Variants in SIPA1L3 observed in about 807,000 individuals in gnomAD.
The protein encoded by SIPA1L3 is signal induced proliferation associated 1 like 3, also known as signal-induced proliferation-associated 1-like protein 3.
In SIPA1L3, 59 loss-of-function variants were observed where a neutral mutation model predicts 150.1. That is an observed-to-expected ratio of 0.39 (90% CI 0.32 to 0.49). SIPA1L3 has a LOEUF of 0.49. Among genes scored for constraint, SIPA1L3 ranks in the 20% least tolerant of loss-of-function variants. SIPA1L3 has a pLI of 0.86. For synonymous variants in SIPA1L3, 1,070 were observed against 1,077.6 expected (o/e 0.99, Z 0.14); for missense variants, 2,211 against 2,489.5 (o/e 0.89, Z 2.38).
chr19:38,094,955 T>C (rs1970344565), intron 4 of SIPA1L3, among the ~76,000 whole-genome samples: 1 of 152,018 alleles, frequency 6.6e-6, no homozygotes. Context: ...TAATCCCAGC[T>C]ACCTGTAATC....
intron 1 of SIPA1L3, among the ~76,000 whole-genome samples, chr19:37,952,115 A>G (rs999295915): frequency 2.0e-5 from 3 of 152,110 alleles, no homozygotes; most frequent in African/African-American, 7.2e-5. Context: ...CTTTCTTCCT[A>G]TGGAGGTGCC....
intron 3 of SIPA1L3, among the ~76,000 whole-genome samples, chr19:38,087,542 C>A (rs968556955): frequency 6.6e-6 from 1 of 152,104 alleles, no homozygotes; most frequent in East Asian, 1.9e-4. Context: ...CAAGACAGAC[C>A]GCTGGCGGAT....
rs781057035 is a variant in SIPA1L3 at position 38,110,234 on chromosome 19, G to A, written c.2141G>A (p.Arg714Gln). The change falls in exon 8 of 22, where the codon CGG becomes CAG. Residue 714 changes from arginine to glutamine, a missense_variant. By Grantham distance (43) the Arg-to-Gln change is conservative. Around this residue, in one of 5 missense-constraint regions of SIPA1L3, gnomAD observed 625 missense variants for 804.2 expected, o/e 0.78. Coordinates refer to ENST00000222345, the MANE Select transcript of SIPA1L3 (RefSeq NM_015073.3). ...TCTGTTGCCCTTTCCCAGCTGCTAC[G>A]GAAGAGGCACATAGGAAATGACATC... is the stretch of plus-strand genomic sequence containing the variant. Reference protein sequence around the residue: ...YTPNNRQQLLRKRHIGNDIVT... With the variant: ...YTPNNRQQLLQKRHIGNDIVT... The A allele has an allele frequency of 1.2e-6, 2 of 1,613,990 alleles. No individual in the cohort carries two copies. The highest frequency in any genetic ancestry group is 1.7e-5 in the Admixed American group (1 of 60,006).
intron 2 of SIPA1L3, among the ~76,000 whole-genome samples, chr19:38,034,652 T>G (rs1384083369): frequency 6.6e-6 from 1 of 152,170 alleles, no homozygotes; most frequent in Non-Finnish European, 1.5e-5. Context: ...AACTGTCTTG[T>G]GAATCACATC....
chr19:38,110,288 C>T lies in SIPA1L3; in HGVS notation c.2195C>T (p.Ala732Val), dbSNP rs1207013363. Residue 732 changes from alanine (A) to valine (V), a missense_variant, in exon 8 of 22, where the codon GCG becomes GTG. Around this residue, in one of 5 missense-constraint regions of SIPA1L3, gnomAD observed 625 missense variants for 804.2 expected, o/e 0.78. Transcript: ENST00000222345. ...IVTIIFQEPG[A>V]LPFTPKNIRS... is the part of the protein sequence containing the mutation. ...ACGATCATCTTCCAGGAGCCTGGCG[C>T]GCTACCGTTCACCCCCAAGAACATC... The T allele has an allele frequency of 3.1e-6, 5 of 1,614,166 alleles. No homozygotes were observed. The highest frequency in any genetic ancestry group is 1.3e-5 in the African/African-American group (1 of 75,042).
At chr19:38,192,433 G>C in intron 17 of SIPA1L3, 123 bp downstream of exon 17, 1 of 915,534 alleles carries the variant, frequency 1.1e-6, no homozygotes, top group Non-Finnish European at 1.6e-6. Context: ...CGTGTCCCCA[G>C]CCTTTGGCAT....
At chr19:38,159,243 G>A (rs1371168231) in intron 13 of SIPA1L3, among the ~76,000 whole-genome samples, 1 of 152,216 alleles carries the variant, frequency 6.6e-6, no homozygotes, top group Non-Finnish European at 1.5e-5. Context: ...GTGGCCCTGA[G>A]TGCCCTGCCT....
intron 15 of SIPA1L3, among the ~76,000 whole-genome samples, chr19:38,171,385 C>CTTTTTTTT (rs1055077464): frequency 1.4e-4 from 11 of 77,882 alleles, no homozygotes; most frequent in East Asian, 3.9e-4. Flanking sequence ...CCTACCAAAA[C>CTTTTTTTT]TTTTTTTTTT....
Position 38,141,193 on chromosome 19 carries a change from G to GGAGACCTAC in SIPA1L3, c.3156_3164dup (p.Glu1052_Tyr1054dup). 6.3e-7 allele frequency: 1 copy of GGAGACCTAC among 1,593,068 alleles called. No homozygotes were observed. The highest frequency in any genetic ancestry group is 8.6e-7 in the Non-Finnish European group (1 of 1,167,814). On this transcript the variant is annotated inframe_insertion, in exon 11 of 22. Coordinates refer to ENST00000222345, the MANE Select transcript of SIPA1L3 (RefSeq NM_015073.3). ...CAGTTTTTCTCCCCAGGGGTTGGCC[G>GGAGACCTAC]GAGACCTACGACATGAATACCTCGG... is the stretch of plus-strand genomic sequence containing the variant.
chr19:37,938,112 T>C (rs1279193686), intron 1 of SIPA1L3, among the ~76,000 whole-genome samples: 3 of 152,158 alleles, frequency 2.0e-5, no homozygotes. Flanking sequence ...TCAGCTAATA[T>C]TATGATTCTA....
intron 8 of SIPA1L3, among the ~76,000 whole-genome samples, chr19:38,113,730 G>T (rs1419712505): frequency 2.0e-5 from 3 of 152,146 alleles, no homozygotes; most frequent in Admixed American, 1.3e-4. Flanking sequence ...CACATAGTGG[G>T]CCCTAAAGCC....
At chr19:37,982,670 C>T (rs980106888) in intron 1 of SIPA1L3, among the ~76,000 whole-genome samples, 1 of 152,212 alleles carries the variant, frequency 6.6e-6, no homozygotes, top group Non-Finnish European at 1.5e-5. Context: ...GCCACATGCA[C>T]GTCTTCAGAG....
chr19:38,100,222 T>C, intron 5 of SIPA1L3, 72 bp downstream of exon 5: 1 of 1,205,658 alleles, frequency 8.3e-7, no homozygotes, highest in Non-Finnish European at 1.1e-6. Context: ...TAGCTTTTTC[T>C]ATCTTGGTCA....
chr19:38,067,095 C>T (rs1436079543), intron 2 of SIPA1L3, among the ~76,000 whole-genome samples: 1 of 151,842 alleles, frequency 6.6e-6, no homozygotes, highest in African/African-American at 2.4e-5. Context: ...AAAAATTAGC[C>T]AGGTGTGCTG....
chr19:38,177,060 T>A (rs1403519567), intron 15 of SIPA1L3, among the ~76,000 whole-genome samples: 9 of 152,080 alleles, frequency 5.9e-5, no homozygotes, highest in Non-Finnish European at 7.4e-5. Flanking sequence ...AGTGACTTTT[T>A]AAAAATTCTA....
At chr19:37,938,624 CTTTTT>C (rs759856556) in intron 1 of SIPA1L3, among the ~76,000 whole-genome samples, 1 of 131,266 alleles carries the variant, frequency 7.6e-6, no homozygotes. Context: ...TTTCTTTTTT[CTTTTT>C]TTTTTTTTTT....
chr19:38,181,845 CAAA>C (rs572648983), intron 15 of SIPA1L3, among the ~76,000 whole-genome samples: 6 of 62,918 alleles, frequency 9.5e-5, no homozygotes, highest in Non-Finnish European at 9.0e-5. Flanking sequence ...GACTCTGTCT[CAAA>C]AAAAAAAAAA....
rs1204906881 is a variant in SIPA1L3 at position 38,206,280 on chromosome 19, G to T, written c.*40G>T. The T allele has an allele frequency of 1.3e-6, 2 of 1,504,122 alleles. No individual in the cohort carries two copies. Among genetic ancestry groups the T allele is most frequent in the Non-Finnish European group, 1.8e-6 (2 of 1,118,958 alleles). The allele number at this position is 1,504,122 out of a possible 1,614,324, so 93.2% of individuals were successfully genotyped here. On this transcript the variant is annotated 3_prime_UTR_variant, in exon 22 of 22. Coordinates refer to ENST00000222345, the MANE Select transcript of SIPA1L3 (RefSeq NM_015073.3). Reference sequence around the variant, plus strand: ...GCCCGCCTTCGCTCCTTCCCCTCAGGCCGTGGCCCTGCTGCCTCTCTCCCT... The same window carrying T: ...GCCCGCCTTCGCTCCTTCCCCTCAGTCCGTGGCCCTGCTGCCTCTCTCCCT...
intron 2 of SIPA1L3, among the ~76,000 whole-genome samples, chr19:38,078,690 C>G (rs1410527431): frequency 1.3e-5 from 2 of 152,164 alleles, no homozygotes; most frequent in Admixed American, 6.5e-5. Flanking sequence ...GCATCCAGCT[C>G]TAGATTCCCA....
Sources: gnomAD v4.1 joint callset for allele counts (sites outside exome capture counted in the v4.1 genomes callset) on GRCh38, gnomAD v4.1.1 for gene constraint, gnomAD v4.1.1 regional missense constraint, MANE v1.5 for transcripts, NCBI Gene and HGNC (gene_info 2026-07-23, HGNC 2026-07-21) for gene names.